Variants in CDH6 observed in about 807,000 individuals in gnomAD.
CDH6 encodes cadherin-6.
In CDH6, 31 loss-of-function variants were observed where a neutral mutation model predicts 78.0. That is an observed-to-expected ratio of 0.40 (90% CI 0.30 to 0.54). CDH6 has a LOEUF of 0.54. Among genes scored for constraint, CDH6 ranks in the 20% least tolerant of loss-of-function variants. The pLI is 0.56. For synonymous variants in CDH6, 376 were observed against 368.8 expected (o/e 1.02, Z -0.23); for missense variants, 724 against 975.9 (o/e 0.74, Z 3.44).
rs1420451263 is a variant in CDH6 at position 31,324,066 on chromosome 5, A to T, written c.*758A>T. 2 of 224,032 alleles carry T rather than the reference A, an allele frequency of 8.9e-6. No individual in the cohort carries two copies. The highest frequency in any genetic ancestry group is 6.5e-5 in the East Asian group (1 of 15,280). The allele number at this position is 224,032 out of a possible 1,614,324, so 13.9% of individuals were successfully genotyped here. On this transcript the variant is annotated 3_prime_UTR_variant, in exon 12 of 12. Coordinates refer to ENST00000265071, the MANE Select transcript of CDH6 (RefSeq NM_004932.4). Reference sequence around the variant, plus strand: ...GGGAAATAGCTAATAATGTTAACCAAGGAAATATATTTTACCATACATTTA... The same window carrying T: ...GGGAAATAGCTAATAATGTTAACCATGGAAATATATTTTACCATACATTTA...
chr5:31,260,257 G>A (rs965071177), intron 1 of CDH6, among the ~76,000 whole-genome samples: 8 of 152,116 alleles, frequency 5.3e-5, no homozygotes, highest in African/African-American at 1.9e-4. Context: ...CCATTTTACA[G>A]GTAAAGAAAC....
chr5:31,274,571 G>C (rs527936079), intron 2 of CDH6, among the ~76,000 whole-genome samples: 1 of 152,348 alleles, frequency 6.6e-6, no homozygotes, highest in South Asian at 2.1e-4. Flanking sequence ...TGTAATCCCA[G>C]CACTTTGGGA....
At chr5:31,250,216 G>A (rs1309349836) in intron 1 of CDH6, 2 of 152,278 alleles carry the variant, frequency 1.3e-5, no homozygotes, top group East Asian at 3.9e-4. Flanking sequence ...GAATTCCCTG[G>A]CAGAAGGCCC....
chr5:31,270,739 C>T (rs1742509197), intron 2 of CDH6, among the ~76,000 whole-genome samples: 1 of 151,714 alleles, frequency 6.6e-6, no homozygotes, highest in Non-Finnish European at 1.5e-5. Flanking sequence ...CTCTGTCACC[C>T]AGGTTTAAGT....
chr5:31,292,228 A>G lies in CDH6; in HGVS notation c.229-1734A>G, dbSNP rs1454032212. Among the ~76,000 whole-genome samples the G allele has an allele frequency of 2.0e-5, 3 of 152,206 alleles. No homozygotes were observed. In the East Asian group the frequency reaches 5.8e-4, roughly 29 times the overall value. Reference sequence around the variant, plus strand: ...GAAAACTGGTATGGGGGATATCGATATAAGTTACACCCAAAAAGGATTCTT... The same window carrying G: ...GAAAACTGGTATGGGGGATATCGATGTAAGTTACACCCAAAAAGGATTCTT... On this transcript the variant is annotated intron_variant, in intron 2 of 11. Coordinates refer to ENST00000265071, the MANE Select transcript of CDH6 (RefSeq NM_004932.4).
At chr5:31,221,577 A>G (rs558344855) in intron 1 of CDH6, among the ~76,000 whole-genome samples, 3 of 152,192 alleles carry the variant, frequency 2.0e-5, no homozygotes, top group Non-Finnish European at 4.4e-5. Flanking sequence ...ACTGTCTTCA[A>G]AGATTGATGA....
intron 1 of CDH6, among the ~76,000 whole-genome samples, chr5:31,235,589 T>C (rs556515731): frequency 6.6e-6 from 1 of 152,360 alleles, no homozygotes; most frequent in East Asian, 1.9e-4. Flanking sequence ...GCGAATGTTA[T>C]GCATGACTTA....
rs1316060868 is a variant in CDH6, at chr5:31,325,852, T to A, written c.*2544T>A. The A allele has an allele frequency of 4.3e-6, 1 of 231,460 alleles. No homozygotes were observed. Among genetic ancestry groups the A allele is most frequent in the Non-Finnish European group, 8.5e-6 (1 of 117,034 alleles). 14.3% of individuals were successfully genotyped at this position (231,460 alleles called of 1,614,324 possible). Reference sequence around the variant, plus strand: ...GATAATTTGAGACTGGGGCTAAATATTTAGTACCAGGGTACTGTAAGTATC... The same window carrying A: ...GATAATTTGAGACTGGGGCTAAATAATTAGTACCAGGGTACTGTAAGTATC... On this transcript the variant is annotated 3_prime_UTR_variant, in exon 12 of 12. Transcript: ENST00000265071.
In CDH6 at chr5:31,282,929, T is replaced by C. The variant is rs781068226; in HGVS notation, c.229-11033T>C. Among the ~76,000 whole-genome samples, 566 of 152,250 alleles carry C rather than the reference T, an allele frequency of 3.7e-3. 16 individuals are homozygous for C. The highest frequency in any genetic ancestry group is 0.019 in the East Asian group (97 of 5,180). The stretch of plus-strand genomic sequence containing the variant: ...TATACTGAATCTCTGCAAATACAGA[T>C]CCCTTATGGTATTATTTAAGTGTAT... On this transcript the variant is annotated intron_variant, in intron 2 of 11. Coordinates refer to ENST00000265071, the MANE Select transcript of CDH6 (RefSeq NM_004932.4).
intron 3 of CDH6, among the ~76,000 whole-genome samples, chr5:31,296,184 T>C (rs1737591037): frequency 6.6e-6 from 1 of 152,162 alleles, no homozygotes; most frequent in Non-Finnish European, 1.5e-5. Flanking sequence ...CCTACCCCTT[T>C]CATGGAAAGG....
intron 11 of CDH6, 67 bp downstream of exon 11, chr5:31,317,991 T>C: frequency 1.3e-6 from 2 of 1,562,070 alleles, no homozygotes; most frequent in South Asian, 1.1e-5. Context: ...TGTGACACTC[T>C]AGATTTATCT....
At chr5:31,320,931 A>T (rs1579917115) in intron 11 of CDH6, among the ~76,000 whole-genome samples, 1 of 151,282 alleles carries the variant, frequency 6.6e-6, no homozygotes, top group African/African-American at 2.4e-5. Context: ...GTGATCTGAG[A>T]TCGTGCCACT....
chr5:31,279,036 T>A (rs191415985), intron 2 of CDH6, among the ~76,000 whole-genome samples: 2 of 152,184 alleles, frequency 1.3e-5, no homozygotes, highest in East Asian at 3.9e-4. Flanking sequence ...AGGATCAACA[T>A]CCCCCAGGCA....
intron 1 of CDH6, among the ~76,000 whole-genome samples, chr5:31,235,919 C>T (rs897462797): frequency 6.6e-6 from 1 of 152,132 alleles, no homozygotes; most frequent in Non-Finnish European, 1.5e-5. Flanking sequence ...CATTTTGAGA[C>T]ATTCATTAAC....
At chr5:31,266,478 G>T (rs1224168170) in intron 1 of CDH6, among the ~76,000 whole-genome samples, 1 of 152,086 alleles carries the variant, frequency 6.6e-6, no homozygotes, top group Non-Finnish European at 1.5e-5. Flanking sequence ...TAACAAATAT[G>T]CTTGATTGTT....
chr5:31,311,191 ACTT>A (rs544694524), intron 7 of CDH6, among the ~76,000 whole-genome samples: 34 of 152,332 alleles, frequency 2.2e-4, no homozygotes, highest in African/African-American at 7.7e-4. Context: ...CTGCTTAGAA[ACTT>A]CTTCTGCCAA....
At chr5:31,277,425 G>A (rs1742728209) in intron 2 of CDH6, among the ~76,000 whole-genome samples, 1 of 152,132 alleles carries the variant, frequency 6.6e-6, no homozygotes, top group African/African-American at 2.4e-5. Flanking sequence ...GTTTTAAATA[G>A]GAATCGTTAT....
At chr5:31,201,929 T>C (rs1740360129) in intron 1 of CDH6, among the ~76,000 whole-genome samples, 1 of 152,116 alleles carries the variant, frequency 6.6e-6, no homozygotes. Flanking sequence ...TATTAACATA[T>C]CCTCAAAAAA....
intron 1 of CDH6, among the ~76,000 whole-genome samples, chr5:31,253,505 T>C (rs562674864): frequency 1.3e-5 from 2 of 152,298 alleles, no homozygotes; most frequent in African/African-American, 4.8e-5. Flanking sequence ...GTCTTGGGTA[T>C]GTCTTTATTA....
Sources: allele counts gnomAD v4.1 joint callset (sites outside exome capture counted in the v4.1 genomes callset), GRCh38; gene constraint gnomAD v4.1.1; transcripts MANE v1.5; gene names NCBI Gene and HGNC (gene_info 2026-07-23, HGNC 2026-07-21).